The following ARHGEF33 variants were observed in gnomAD, a reference collection of about 807,000 sequenced individuals.
ARHGEF33 encodes the protein Rho guanine nucleotide exchange factor 33.
In ARHGEF33, 72 loss-of-function variants were observed where a neutral mutation model predicts 101.9. The ratio of observed to expected loss-of-function variants is 0.71; its 90% CI spans 0.58 to 0.86. The LOEUF is 0.86. Among genes scored for constraint, ARHGEF33 ranks in the 40% least tolerant of loss-of-function variants. The probability of loss-of-function intolerance (pLI) is 0.00; values close to 1 mark genes in which losing one functional copy is unlikely to be tolerated. For missense variants in ARHGEF33, 1,169 were observed against 1,111.3 expected (o/e 1.05, Z -0.74); for synonymous variants, 499 against 442.5 (o/e 1.13, Z -1.60).
chr2:38,959,342 T>C (rs1386750340), intron 15 of ARHGEF33: 1 of 152,482 alleles, frequency 6.6e-6, no homozygotes, highest in Non-Finnish European at 1.5e-5. Context: ...CAAATTTACA[T>C]AGAAGAGTTC....
intron 10 of ARHGEF33, among the ~76,000 whole-genome samples, chr2:38,949,428 C>G (rs142510263): frequency 4.3e-4 from 66 of 152,186 alleles, no homozygotes; most frequent in African/African-American, 1.6e-3. Flanking sequence ...TTCTATAGGC[C>G]TCTAATCACA....
At chr2:38,921,281 G>T in intron 3 of ARHGEF33, 93 bp from the exon 4 acceptor site, 1 of 791,618 alleles carries the variant, frequency 1.3e-6, no homozygotes, top group Non-Finnish European at 2.2e-6. Flanking sequence ...ACAAATGTAG[G>T]ATCCTGTAAG....
intron 9 of ARHGEF33, among the ~76,000 whole-genome samples, chr2:38,940,388 C>A (rs1558435674): frequency 6.6e-6 from 1 of 151,234 alleles, no homozygotes; most frequent in South Asian, 2.1e-4. Context: ...CTCAGCCTCC[C>A]AGGTAGTTGG....
intron 13 of ARHGEF33, among the ~76,000 whole-genome samples, chr2:38,954,917 A>T (rs1484953527): frequency 6.6e-6 from 1 of 152,170 alleles, no homozygotes; most frequent in Non-Finnish European, 1.5e-5. Context: ...TACAGGTGTG[A>T]GCCGCTGCAG....
intron 1 of ARHGEF33, among the ~76,000 whole-genome samples, chr2:38,891,397 C>A (rs1665993786): frequency 6.6e-6 from 1 of 152,076 alleles, no homozygotes; most frequent in Non-Finnish European, 1.5e-5. Flanking sequence ...CTTCCTCTCT[C>A]CCTCTTCCTT....
chr2:38,948,318 G>T (rs187191387), intron 10 of ARHGEF33, among the ~76,000 whole-genome samples: 1 of 152,070 alleles, frequency 6.6e-6, no homozygotes, highest in Non-Finnish European at 1.5e-5. Context: ...TCAATGTTTC[G>T]TATAGAATCC....
At chr2:38,894,430 A>AC (rs904325249) in intron 1 of ARHGEF33, among the ~76,000 whole-genome samples, 1 of 151,584 alleles carries the variant, frequency 6.6e-6, no homozygotes, top group Non-Finnish European at 1.5e-5. Context: ...GGGGAAAAAA[A>AC]AAAAGAATAA....
chr2:38,912,174 C>A (rs1467460494), intron 2 of ARHGEF33, among the ~76,000 whole-genome samples: 2 of 152,174 alleles, frequency 1.3e-5, no homozygotes, highest in Non-Finnish European at 2.9e-5. Flanking sequence ...GTTAGCACTG[C>A]AACTGTAGAG....
intron 11 of ARHGEF33, 113 bp from the exon 12 acceptor site, chr2:38,953,049 A>G (rs150784574): frequency 3.2e-6 from 2 of 633,658 alleles, no homozygotes; most frequent in African/African-American, 3.7e-5. Context: ...GAACATATTA[A>G]ATGAATAAGA....
chr2:38,929,615 A>T (rs567168614), intron 5 of ARHGEF33, 94 bp from the exon 6 acceptor site: 12 of 984,638 alleles, frequency 1.2e-5, no homozygotes, highest in Non-Finnish European at 1.6e-5. Context: ...CATTCATTCA[A>T]TAAATATGTA....
chr2:38,938,785 A>C (rs1667223089), intron 9 of ARHGEF33, among the ~76,000 whole-genome samples: 1 of 152,138 alleles, frequency 6.6e-6, no homozygotes, highest in Admixed American at 6.5e-5. Context: ...CTATACCACA[A>C]ATTAGTTTTG....
intron 16 of ARHGEF33, among the ~76,000 whole-genome samples, chr2:38,962,681 T>G (rs1220348509): frequency 2.6e-5 from 4 of 151,962 alleles, no homozygotes; most frequent in Non-Finnish European, 5.9e-5. Context: ...ATTACTTATT[T>G]CTGTTTCTAG....
At chr2:38,910,613 C>T (rs1182971560) in intron 2 of ARHGEF33, among the ~76,000 whole-genome samples, 8 of 152,150 alleles carry the variant, frequency 5.3e-5, no homozygotes, top group Non-Finnish European at 1.2e-4. Context: ...TTATTGGCAA[C>T]AAATATTGCA....
At chr2:38,894,415 T>G (rs1666075381) in intron 1 of ARHGEF33, among the ~76,000 whole-genome samples, 1 of 45,260 alleles carries the variant, frequency 2.2e-5, no homozygotes, top group African/African-American at 4.8e-5. Context: ...AATCTGTATA[T>G]GCTGGGGGAA....
At chr2:38,961,962 C>T (rs1259649569) in intron 16 of ARHGEF33, among the ~76,000 whole-genome samples, 1 of 152,016 alleles carries the variant, frequency 6.6e-6, no homozygotes, top group African/African-American at 2.4e-5. Flanking sequence ...GGAAATTAGG[C>T]CAGAGGAACA....
chr2:38,900,624 C>G (rs1666217154), intron 2 of ARHGEF33, among the ~76,000 whole-genome samples: 1 of 152,154 alleles, frequency 6.6e-6, no homozygotes, highest in African/African-American at 2.4e-5. Flanking sequence ...GCTACAGGGA[C>G]ACACCAGGAG....
Position 38,975,155 on chromosome 2 carries a change from G to GT in ARHGEF33, c.*1313dup, listed in dbSNP as rs1480550993. On this transcript the variant is annotated 3_prime_UTR_variant, in exon 18 of 18. Transcript: ENST00000409978. ...TGATAAAATAGGCAAAGGTTCACAT[G>GT]TAAGTGTTGCAAGTTTTCTTCTCCT... 2 of 152,206 alleles carry GT rather than the reference G, an allele frequency of 1.3e-5. No homozygotes were observed. Among genetic ancestry groups the GT allele is most frequent in the East Asian group, 3.8e-4 (2 of 5,196 alleles). The allele number at this position is 152,206 out of a possible 1,614,324, so 9.4% of individuals were successfully genotyped here.
At chr2:38,937,174 T>TTAG (rs1274507439) in intron 8 of ARHGEF33, 161 bp from the exon 9 acceptor site, 4 of 570,214 alleles carry the variant, frequency 7.0e-6, no homozygotes, top group Non-Finnish European at 1.3e-5. Context: ...TTTTATATTT[T>TTAG]TAGTAGAGAC....
chr2:38,895,151 G>A (rs1447820588), intron 1 of ARHGEF33, among the ~76,000 whole-genome samples: 8 of 152,132 alleles, frequency 5.3e-5, no homozygotes, highest in Non-Finnish European at 1.5e-5. Context: ...TGTGAGGCAA[G>A]TATTACTATT....
Sources: allele counts gnomAD v4.1 joint callset (sites outside exome capture counted in the v4.1 genomes callset), GRCh38; gene constraint gnomAD v4.1.1; transcripts MANE v1.5; gene names NCBI Gene and HGNC (gene_info 2026-07-23, HGNC 2026-07-21).